PMPCB: variants seen among roughly 807,000 people sequenced by gnomAD.
The protein encoded by PMPCB is mitochondrial-processing peptidase subunit beta.
A neutral mutation model predicts 61.5 loss-of-function variants in PMPCB; 46 were observed. The observed-to-expected ratio is 0.75, with a 90% CI of 0.59 to 0.96. The LOEUF (loss-of-function observed/expected upper bound fraction) is 0.96, where lower values mean the gene tolerates loss of function less well. Among genes scored for constraint, PMPCB ranks in the 40% least tolerant of loss-of-function variants. The probability of loss-of-function intolerance (pLI) is 0.00; values close to 1 mark genes in which losing one functional copy is unlikely to be tolerated. For missense variants in PMPCB, 590 were observed against 602.4 expected, an observed-to-expected ratio of 0.98 and a Z score of 0.22; for synonymous variants, 191 against 201.6, an observed-to-expected ratio of 0.95 and a Z score of 0.44.
At chr7:103,309,354 C>G in intron 8 of PMPCB, 1 of 268,704 alleles carries the variant, frequency 3.7e-6, no homozygotes, top group Non-Finnish European at 6.9e-6. Context: ...ATGTTAATAT[C>G]CTAATTTTAA....
the PMPCB span, among the ~76,000 whole-genome samples, chr7:103,339,937 G>A: frequency 6.6e-6 from 1 of 152,046 alleles, no homozygotes; most frequent in East Asian, 1.9e-4. Flanking sequence ...CTCCTGAGTT[G>A]AAGTGATTCT....
chr7:103,342,775 A>G, the PMPCB span, among the ~76,000 whole-genome samples: 1 of 144,582 alleles, frequency 6.9e-6, no homozygotes, highest in Non-Finnish European at 1.5e-5. Context: ...CCCCCGGCTA[A>G]TTTTTTGCAT....
the PMPCB span, chr7:103,344,802 G>C: frequency 1.6e-6 from 1 of 641,954 alleles, no homozygotes. Context: ...GTGGTGTGGA[G>C]GCCAGTCTCA....
chr7:103,313,803 A>T lies in PMPCB; in HGVS notation c.*1532A>T. 1 of 985,376 alleles carries T rather than the reference A, an allele frequency of 1.0e-6. No individual in the cohort carries two copies. Among genetic ancestry groups the T allele is most frequent in the Non-Finnish European group, 1.2e-6 (1 of 829,844 alleles). 61.0% of individuals were successfully genotyped at this position (985,376 alleles called of 1,614,324 possible). On this transcript the variant is annotated 3_prime_UTR_variant, in exon 13 of 13. Coordinates refer to ENST00000249269, the MANE Select transcript of PMPCB (RefSeq NM_004279.3). The stretch of plus-strand genomic sequence containing the variant: ...ACAAATATGTTTCTTAAGGATGTTA[A>T]GTATTACACAGTCCACTTGTGTAGG...
the PMPCB span, chr7:103,347,393 C>A: frequency 4.9e-6 from 1 of 204,090 alleles, no homozygotes; most frequent in South Asian, 1.0e-4. Context: ...GGTAGGAGTT[C>A]TTTATATATT....
intron 12 of PMPCB, among the ~76,000 whole-genome samples, chr7:103,326,128 A>C (rs567963654): frequency 1.3e-4 from 19 of 151,636 alleles, no homozygotes; most frequent in Non-Finnish European, 2.8e-4. Flanking sequence ...ACAGGCATGC[A>C]CCTCCACGGC....
Position 103,302,320 on chromosome 7 carries a change from G to A in PMPCB, c.458-1522G>A, listed in dbSNP as rs569338474. Among the ~76,000 whole-genome samples, 84 of 152,228 alleles carry A rather than the reference G, an allele frequency of 5.5e-4. 2 individuals are homozygous for A. The South Asian group carries it at 0.016, about 30-fold the overall frequency. Reference sequence around the variant, plus strand: ...AGAAAGTTGATCATATATCCTTAATGTATGTATACTTGTAAGTTAAATACA... The same window carrying A: ...AGAAAGTTGATCATATATCCTTAATATATGTATACTTGTAAGTTAAATACA... On this transcript the variant is annotated intron_variant, in intron 4 of 12. Coordinates refer to ENST00000249269, the MANE Select transcript of PMPCB (RefSeq NM_004279.3).
intron 12 of PMPCB, chr7:103,324,647 T>C: frequency 1.8e-6 from 2 of 1,122,178 alleles, no homozygotes; most frequent in Non-Finnish European, 2.4e-6. Flanking sequence ...TTAAAAACAA[T>C]AATTTTTACT....
chr7:103,320,347 C>T (rs1424090865), intron 12 of PMPCB, among the ~76,000 whole-genome samples: 2 of 152,044 alleles, frequency 1.3e-5, no homozygotes, highest in East Asian at 3.9e-4. Flanking sequence ...CTCAGCCTCC[C>T]AAAGTGCTGG....
chr7:103,330,429 A>C (rs1306128382), downstream of PMPCB, among the ~76,000 whole-genome samples: 1 of 152,004 alleles, frequency 6.6e-6, no homozygotes, highest in Non-Finnish European at 1.5e-5. Context: ...CTGGGATTAC[A>C]GGTGCTCTCC....
At position 103,312,206 on chromosome 7, in the gene PMPCB, G is replaced by C. The variant is rs1817782861; in HGVS notation, c.1406-1G>C. The C allele has an allele frequency of 2.5e-6, 4 of 1,613,650 alleles. No homozygotes were observed. The East Asian group carries it at 8.9e-5, about 36-fold the overall frequency. On this transcript the variant is annotated splice_acceptor_variant, in intron 12 of 12. Transcript: ENST00000249269. LOFTEE classifies it high-confidence loss of function. Reference sequence around the variant, plus strand: ...AATTAACTCTTCTTTTTAATCCTTAGGTCCCATTAAGCAACTACCAGATTT... The same window carrying C: ...AATTAACTCTTCTTTTTAATCCTTACGTCCCATTAAGCAACTACCAGATTT...
In PMPCB at chr7:103,312,341, C is replaced by A; in HGVS notation, c.*70C>A. The A allele has an allele frequency of 6.3e-7, 1 of 1,579,814 alleles. No homozygotes were observed. The highest frequency in any genetic ancestry group is 8.5e-7 in the Non-Finnish European group (1 of 1,170,458). ...AGAGCTAGAGAAAAATAAAAATGAACATGTATATACATTTGGAAATTTGAA... is the reference window on the plus strand; with the variant it reads ...AGAGCTAGAGAAAAATAAAAATGAAAATGTATATACATTTGGAAATTTGAA... On this transcript the variant is annotated 3_prime_UTR_variant, in exon 13 of 13. Coordinates refer to ENST00000249269, the MANE Select transcript of PMPCB (RefSeq NM_004279.3).
chr7:103,315,747 A>G (rs1210780278), downstream of PMPCB: 1 of 1,597,680 alleles, frequency 6.3e-7, no homozygotes, highest in Non-Finnish European at 8.6e-7. Flanking sequence ...TTCTACGTTT[A>G]GAAAAGCAAA....
intron 12 of PMPCB, chr7:103,324,663 C>T (rs1818606361): frequency 3.8e-6 from 4 of 1,063,076 alleles, no homozygotes; most frequent in Non-Finnish European, 5.0e-6. Flanking sequence ...TTACTAATTC[C>T]TCTGATTTCC....
chr7:103,317,996 T>G (rs1586069329), downstream of PMPCB, among the ~76,000 whole-genome samples: 1 of 152,306 alleles, frequency 6.6e-6, no homozygotes, highest in Middle Eastern at 3.4e-3. Flanking sequence ...GTTACATCTA[T>G]CTGATGCACC....
At position 103,298,580 on chromosome 7, in the gene PMPCB, G is replaced by T; in HGVS notation, c.112G>T (p.Gly38Ter). ...TACCCCCAACCAGTCATTATATTTT[G>T]GAGAGAACAGATTAAGAAGTACACA... ...RGAAGRSLYF[G>*]ENRLRSTQAA... The change falls in exon 2 of 13, where the codon GGA (glycine) becomes TGA (stop). Residue 38 changes from glycine (G) to a stop codon, truncating the protein, a stop_gained. Transcript: ENST00000249269. LOFTEE classifies it high-confidence loss of function. 2 of 1,613,898 alleles carry T rather than the reference G, an allele frequency of 1.2e-6. No individual in the cohort carries two copies. The highest frequency in any genetic ancestry group is 1.7e-6 in the Non-Finnish European group (2 of 1,179,858).
chr7:103,335,248 T>C, the PMPCB span: 1 of 152,216 alleles, frequency 6.6e-6, no homozygotes. Flanking sequence ...GGTACCAGAT[T>C]TACATTTTTA....
At chr7:103,317,037 G>T, downstream of PMPCB, 1 of 1,592,556 alleles carries the variant, frequency 6.3e-7, no homozygotes. Context: ...CATAAGTCAG[G>T]GACTTAGAAG....
At chr7:103,347,299 ATGTTGTCCATT>A in the PMPCB span, among the ~76,000 whole-genome samples, 1 of 152,164 alleles carries the variant, frequency 6.6e-6, no homozygotes, top group Non-Finnish European at 1.5e-5. Flanking sequence ...CCTAACAGTG[ATGTTGTCCATT>A]TGTATATCTT....
Sources: allele counts gnomAD v4.1 joint callset (sites outside exome capture counted in the v4.1 genomes callset), GRCh38; gene constraint gnomAD v4.1.1; transcripts MANE v1.5; gene names NCBI Gene and HGNC (gene_info 2026-07-23, HGNC 2026-07-21).